ADAMTS12: variants seen among roughly 807,000 people sequenced by gnomAD.
ADAMTS12 encodes ADAM metallopeptidase with thrombospondin type 1 motif 12.
Under a neutral mutation model 167.8 loss-of-function variants are expected in ADAMTS12, and 118 were observed. The observed-to-expected ratio is 0.70, with a 90% confidence interval of 0.61 to 0.82. The LOEUF (loss-of-function observed/expected upper bound fraction) is 0.82. Ranked by LOEUF, ADAMTS12 falls within the 40% of genes least tolerant of loss-of-function variation. The pLI is 0.00. For missense variants in ADAMTS12, 1,916 were observed against 1,998.8 expected, an observed-to-expected ratio of 0.96 and a Z score of 0.79; for synonymous variants, 704 against 716.9, an observed-to-expected ratio of 0.98 and a Z score of 0.29.
intron 3 of ADAMTS12, among the ~76,000 whole-genome samples, chr5:33,734,248 G>A (rs1744290119): frequency 6.6e-6 from 1 of 152,180 alleles, no homozygotes; most frequent in Non-Finnish European, 1.5e-5. Flanking sequence ...CTGCCTCTCA[G>A]GAGAAGTGGT....
chr5:33,745,354 C>T (rs1744742515), intron 3 of ADAMTS12, among the ~76,000 whole-genome samples: 1 of 152,146 alleles, frequency 6.6e-6, no homozygotes, highest in African/African-American at 2.4e-5. Context: ...GTGGGAAATG[C>T]CAGAGAGCTT....
Position 33,637,578 on chromosome 5 carries a change from T to A in ADAMTS12, c.1887A>T (p.Pro629=), listed in dbSNP as rs752120820. Residue 629 remains proline, a splice_region_variant and synonymous_variant, in exon 12 of 24, where the codon CCA becomes CCT. Coordinates refer to ENST00000504830, the MANE Select transcript of ADAMTS12 (RefSeq NM_030955.4). Reference sequence around the variant, plus strand: ...AGATACACCATTACAGCTCCTTACCTGGGTTAAAAATGGGAAACCAGTGGT... The same window carrying A: ...AGATACACCATTACAGCTCCTTACCAGGGTTAAAAATGGGAAACCAGTGGT... ...ELYHWFPIFN[P]AHPCELYCRP... 1 of 1,612,778 alleles carries A rather than the reference T, an allele frequency of 6.2e-7. No homozygotes were observed. Among genetic ancestry groups the A allele is most frequent in the Non-Finnish European group, 8.5e-7 (1 of 1,179,156 alleles).
At position 33,881,316 on chromosome 5, in the gene ADAMTS12, C is replaced by G; in HGVS notation, c.292G>C (p.Glu98Gln). Residue 98 changes from glutamate to glutamine, a missense_variant, in exon 2 of 24, where the codon GAG (glutamate) becomes CAG (glutamine). Transcript: ENST00000504830. Reference sequence around the variant, plus strand: ...AAGTTAAAAAACAGGTCCTTCTCCTCGTGAGAAATTCTGTAGTACACCCAG... The same window carrying G: ...AAGTTAAAAAACAGGTCCTTCTCCTGGTGAGAAATTCTGTAGTACACCCAG... ...EDWVYYRISH[E>Q]EKDLFFNLTV... 1.2e-6 allele frequency: 2 copies of G among 1,614,214 alleles called. No individual in the cohort carries two copies. The highest frequency in any genetic ancestry group is 1.7e-6 in the Non-Finnish European group (2 of 1,180,046).
In ADAMTS12 at chr5:33,690,966, G is replaced by C. The variant is rs1443059259; in HGVS notation, c.635-6911C>G. On this transcript the variant is annotated intron_variant, in intron 3 of 23. Coordinates refer to ENST00000504830, the MANE Select transcript of ADAMTS12 (RefSeq NM_030955.4). ...TGAAGTAATCAACCGAGTGGATAATGAGTCCCAGTATGCTTAGACATCGAT... is the reference window on the plus strand; with the variant it reads ...TGAAGTAATCAACCGAGTGGATAATCAGTCCCAGTATGCTTAGACATCGAT... Among the ~76,000 whole-genome samples, 5 of 152,292 alleles carry C rather than the reference G, an allele frequency of 3.3e-5. No homozygotes were observed. The East Asian group carries it at 9.7e-4, about 29-fold the overall frequency.
intron 19 of ADAMTS12, 96 bp downstream of exon 19, chr5:33,575,958 T>C: frequency 6.7e-7 from 1 of 1,490,216 alleles, no homozygotes; most frequent in Non-Finnish European, 9.0e-7. Flanking sequence ...CAATAGAATA[T>C]ATTTTAATGC....
At chr5:33,729,819 C>G (rs1055922040) in intron 3 of ADAMTS12, among the ~76,000 whole-genome samples, 2 of 152,200 alleles carry the variant, frequency 1.3e-5, no homozygotes, top group African/African-American at 4.8e-5. Context: ...CTGGCAGTGG[C>G]TGAGATTGAT....
chr5:33,628,726 A>G (rs1254136347), intron 13 of ADAMTS12, among the ~76,000 whole-genome samples: 1 of 152,198 alleles, frequency 6.6e-6, no homozygotes, highest in East Asian at 1.9e-4. Context: ...CTAACAAATA[A>G]GGAGCCTGGA....
intron 2 of ADAMTS12, among the ~76,000 whole-genome samples, chr5:33,814,470 A>G (rs1294140308): frequency 6.6e-6 from 1 of 152,194 alleles, no homozygotes; most frequent in Non-Finnish European, 1.5e-5. Flanking sequence ...TGTTAGCTCA[A>G]TTAAGTGGAG....
At chr5:33,727,946 A>G (rs1035432687) in intron 3 of ADAMTS12, among the ~76,000 whole-genome samples, 1 of 152,194 alleles carries the variant, frequency 6.6e-6, no homozygotes, top group Non-Finnish European at 1.5e-5. Flanking sequence ...TTCACACTCT[A>G]CGCTCAGCAT....
chr5:33,662,799 A>G (rs1350100095), intron 5 of ADAMTS12, among the ~76,000 whole-genome samples: 2 of 152,222 alleles, frequency 1.3e-5, no homozygotes, highest in African/African-American at 4.8e-5. Context: ...CTCCGGTTTA[A>G]TTTGAATTTC....
At chr5:33,560,789 A>T in intron 20 of ADAMTS12, among the ~76,000 whole-genome samples, 1 of 88,358 alleles carries the variant, frequency 1.1e-5, no homozygotes. Context: ...GGGAGGGGGG[A>T]GGGATAGCAT....
At chr5:33,830,034 AAGAC>A (rs1337271767) in intron 2 of ADAMTS12, among the ~76,000 whole-genome samples, 1 of 152,244 alleles carries the variant, frequency 6.6e-6, no homozygotes, top group Non-Finnish European at 1.5e-5. Flanking sequence ...CCCAAACTGG[AAGAC>A]AGGTCAGTGG....
intron 3 of ADAMTS12, among the ~76,000 whole-genome samples, chr5:33,704,015 C>G (rs1013500162): frequency 1.3e-5 from 2 of 152,170 alleles, no homozygotes; most frequent in Non-Finnish European, 2.9e-5. Context: ...GACGAATAAG[C>G]TTTTTGTTCC....
Position 33,576,134 on chromosome 5 carries a change from A to C in ADAMTS12, c.3892T>G (p.Phe1298Val). 1 of 1,614,188 alleles carries C rather than the reference A, an allele frequency of 6.2e-7. No homozygotes were observed. Among genetic ancestry groups the C allele is most frequent in the South Asian group, 1.1e-5 (1 of 91,086 alleles). Residue 1298 changes from phenylalanine to valine, a missense_variant, in exon 19 of 24, where the codon TTT becomes GTT. Coordinates refer to ENST00000504830, the MANE Select transcript of ADAMTS12 (RefSeq NM_030955.4). The stretch of plus-strand genomic sequence containing the variant: ...TTGTAATTGGAGGCATTTAGCAAAA[A>C]GCCCTCAGTAATCAGACTTGTTGCA... ...EDATSLITEG[F>V]LLNASNYKQL...
chr5:33,543,812 C>T (rs1391463247), intron 22 of ADAMTS12, among the ~76,000 whole-genome samples: 2 of 152,074 alleles, frequency 1.3e-5, no homozygotes, highest in African/African-American at 4.8e-5. Flanking sequence ...AATTCAACAC[C>T]CCTTCATGCT....
chr5:33,886,394 T>A (rs563727281), intron 1 of ADAMTS12, among the ~76,000 whole-genome samples: 1 of 152,320 alleles, frequency 6.6e-6, no homozygotes, highest in South Asian at 2.1e-4. Flanking sequence ...TCAGTTGTTA[T>A]CCCCATTTCA....
At chr5:33,824,875 G>A (rs1748000438) in intron 2 of ADAMTS12, among the ~76,000 whole-genome samples, 1 of 152,120 alleles carries the variant, frequency 6.6e-6, no homozygotes, top group African/African-American at 2.4e-5. Flanking sequence ...CTCATACTTT[G>A]ATAGCTTTTC....
At chr5:33,588,041 A>G (rs818726) in intron 18 of ADAMTS12, among the ~76,000 whole-genome samples, 66,502 of 152,060 alleles carry the variant, frequency 0.44, 15,307 homozygotes, top group East Asian at 0.69. Flanking sequence ...TTCCAATTAT[A>G]GTCAGATAAT....
At chr5:33,693,956 A>G (rs1474767392) in intron 3 of ADAMTS12, among the ~76,000 whole-genome samples, 1 of 152,188 alleles carries the variant, frequency 6.6e-6, no homozygotes, top group African/African-American at 2.4e-5. Flanking sequence ...GACTTTAGCA[A>G]AGTCTCAGGA....
Sources: allele counts gnomAD v4.1 joint callset (sites outside exome capture counted in the v4.1 genomes callset), GRCh38; gene constraint gnomAD v4.1.1; transcripts MANE v1.5; gene names NCBI Gene and HGNC (gene_info 2026-07-23, HGNC 2026-07-21).